MAP3K1: variants seen among roughly 807,000 people sequenced by gnomAD.
MAP3K1 encodes MAP/ERK kinase kinase 1.
A neutral mutation model predicts 144.2 loss-of-function variants in MAP3K1; 36 were observed. The ratio of observed to expected loss-of-function variants is 0.25; its 90% CI spans 0.19 to 0.33. MAP3K1 has a LOEUF of 0.33. MAP3K1 is among the 10% of genes least tolerant of loss of function. The pLI, the probability that MAP3K1 is intolerant of heterozygous loss-of-function variation, is 1.00. For synonymous variants in MAP3K1, 718 were observed against 688.7 expected, an observed-to-expected ratio of 1.04 and a Z score of -0.67; for missense variants, 1,650 against 1,881.9, an observed-to-expected ratio of 0.88 and a Z score of 2.28.
At chr5:56,821,835 T>G (rs1746161357) in intron 1 of MAP3K1, among the ~76,000 whole-genome samples, 1 of 152,224 alleles carries the variant, frequency 6.6e-6, no homozygotes, top group African/African-American at 2.4e-5. Flanking sequence ...GCATCTAGAC[T>G]AGTGTCTGGC....
intron 1 of MAP3K1, among the ~76,000 whole-genome samples, chr5:56,849,746 T>A (rs1188796077): frequency 2.3e-5 from 3 of 128,178 alleles, no homozygotes; most frequent in Non-Finnish European, 5.8e-5. Flanking sequence ...AGTATTGAGA[T>A]AAAGATGGTT....
chr5:56,858,580 A>G (rs1214529389), intron 2 of MAP3K1, among the ~76,000 whole-genome samples: 2 of 152,230 alleles, frequency 1.3e-5, no homozygotes, highest in Non-Finnish European at 2.9e-5. Flanking sequence ...TACTTTAAGT[A>G]AGTTGTGTCA....
At position 56,888,330 on chromosome 5, in the gene MAP3K1, C is replaced by T; in HGVS notation, c.4362C>T (p.His1454=). The T allele has an allele frequency of 6.2e-7, 1 of 1,613,954 alleles. No homozygotes were observed. The highest frequency in any genetic ancestry group is 8.5e-7 in the Non-Finnish European group (1 of 1,179,956). Residue 1454 remains histidine, a synonymous_variant, in exon 19 of 20, where the codon CAC becomes CAT. Transcript: ENST00000399503. ...CAKPPWNAEK[H]SNHLALIFKI... The stretch of plus-strand genomic sequence containing the variant: ...AACCACCATGGAATGCAGAAAAACA[C>T]TCCAATCATCTTGCTTTGATATTTA...
At chr5:56,854,643 C>CT (rs2111857461) in intron 1 of MAP3K1, among the ~76,000 whole-genome samples, 1 of 152,220 alleles carries the variant, frequency 6.6e-6, no homozygotes, top group Non-Finnish European at 1.5e-5. Context: ...ACACATTAGA[C>CT]TTTAAGGAGG....
At chr5:56,820,810 T>G (rs1188882768) in intron 1 of MAP3K1, 1 of 985,208 alleles carries the variant, frequency 1.0e-6, no homozygotes, top group Non-Finnish European at 1.2e-6. Context: ...ACAAGCTGTT[T>G]CTGTCGGTAG....
At chr5:56,854,684 A>G (rs1264931836) in intron 1 of MAP3K1, among the ~76,000 whole-genome samples, 1 of 152,184 alleles carries the variant, frequency 6.6e-6, no homozygotes, top group Non-Finnish European at 1.5e-5. Flanking sequence ...TGTTTAGACA[A>G]GGAACATCCT....
At chr5:56,866,087 T>C in intron 6 of MAP3K1, 110 bp downstream of exon 6, 1 of 1,001,094 alleles carries the variant, frequency 1.0e-6, no homozygotes, top group East Asian at 2.6e-5. Context: ...AATTATTGAA[T>C]CTTGGCTTTC....
chr5:56,881,513 T>C, intron 13 of MAP3K1, 57 bp from the exon 14 acceptor site: 6 of 1,356,574 alleles, frequency 4.4e-6, no homozygotes, highest in Non-Finnish European at 6.3e-6. Flanking sequence ...TTTTTAAGTT[T>C]CCATGTATTT....
chr5:56,820,301 A>G (rs546549776), intron 1 of MAP3K1: 43 of 353,322 alleles, frequency 1.2e-4, no homozygotes, highest in African/African-American at 9.3e-4. Flanking sequence ...ATTCAATCCC[A>G]AGTCAGACTG....
At position 56,853,097 on chromosome 5, in the gene MAP3K1, ATATT is replaced by A. The variant is rs530062889; in HGVS notation, c.483-3501_483-3498del. Among the ~76,000 whole-genome samples, 980 of 152,328 alleles carry A rather than the reference ATATT, an allele frequency of 6.4e-3. 3 individuals carry two copies. The highest frequency in any genetic ancestry group is 9.8e-3 in the Non-Finnish European group (669 of 68,022). ...TGGCAAATACAATAGGATTTACTAT[ATATT>A]TCATTGATTCAAAGATCCCAGTGGT... On this transcript the variant is annotated intron_variant, in intron 1 of 19. Coordinates refer to ENST00000399503, the MANE Select transcript of MAP3K1 (RefSeq NM_005921.2).
intron 6 of MAP3K1, 107 bp downstream of exon 6, chr5:56,866,084 G>A: frequency 9.9e-7 from 1 of 1,008,670 alleles, no homozygotes. Context: ...TTTAATTATT[G>A]AATCTTGGCT....
intron 3 of MAP3K1, among the ~76,000 whole-genome samples, chr5:56,862,803 TA>T (rs751818899): frequency 6.6e-6 from 1 of 152,142 alleles, no homozygotes; most frequent in African/African-American, 2.4e-5. Context: ...ACTGCTTTTT[TA>T]AAAATAATGG....
rs1232323072 is a variant in MAP3K1 at position 56,896,119 on chromosome 5, T to C, written c.*2439T>C. 1 of 225,496 alleles carries C rather than the reference T, an allele frequency of 4.4e-6. No homozygotes were observed. The highest frequency in any genetic ancestry group is 6.5e-5 in the East Asian group (1 of 15,354). 14.0% of individuals were successfully genotyped at this position (225,496 alleles called of 1,614,324 possible). The stretch of plus-strand genomic sequence containing the variant: ...AGTATTTGTACCTATTTTGGTGTTT[T>C]TGTCTTTATAGTAAATAAAAGTTTT... On this transcript the variant is annotated 3_prime_UTR_variant, in exon 20 of 20. Transcript: ENST00000399503.
chr5:56,871,539 T>C (rs778992838), intron 6 of MAP3K1, among the ~76,000 whole-genome samples: 3 of 152,130 alleles, frequency 2.0e-5, no homozygotes, highest in Non-Finnish European at 4.4e-5. Context: ...GGTCCGCCAG[T>C]ACTTAAAATC....
chr5:56,834,888 A>T (rs1746599901), intron 1 of MAP3K1, among the ~76,000 whole-genome samples: 1 of 152,214 alleles, frequency 6.6e-6, no homozygotes, highest in Non-Finnish European at 1.5e-5. Context: ...TGTATAAAAT[A>T]AGATACTTAA....
chr5:56,874,820 T>C (rs1210618404), intron 9 of MAP3K1, among the ~76,000 whole-genome samples: 1 of 152,204 alleles, frequency 6.6e-6, no homozygotes, highest in Non-Finnish European at 1.5e-5. Context: ...CTAATAAATA[T>C]TAATGACTTT....
chr5:56,887,285 T>G (rs1028163595), intron 17 of MAP3K1, 93 bp from the exon 18 acceptor site: 2 of 1,196,272 alleles, frequency 1.7e-6, no homozygotes, highest in African/African-American at 1.5e-5. Context: ...CTTTCTTTTG[T>G]CATTGTCCTA....
At chr5:56,825,081 C>G (rs1746271961) in intron 1 of MAP3K1, among the ~76,000 whole-genome samples, 1 of 152,010 alleles carries the variant, frequency 6.6e-6, no homozygotes, top group Non-Finnish European at 1.5e-5. Context: ...AATCTTGGTT[C>G]ACCACAACCT....
intron 3 of MAP3K1, among the ~76,000 whole-genome samples, chr5:56,860,457 A>G (rs533024747): frequency 6.6e-6 from 1 of 152,312 alleles, no homozygotes; most frequent in African/African-American, 2.4e-5. Flanking sequence ...TATTTCTTTC[A>G]TGGAACATGA....
Sources: gnomAD v4.1 joint callset for allele counts (sites outside exome capture counted in the v4.1 genomes callset) on GRCh38, gnomAD v4.1.1 for gene constraint, MANE v1.5 for transcripts, NCBI Gene and HGNC (gene_info 2026-07-23, HGNC 2026-07-21) for gene names.